XKR6: variants seen among roughly 807,000 people sequenced by gnomAD.
XKR6 encodes XK related 6, also known as XK-related protein 6.
A neutral mutation model predicts 56.7 loss-of-function variants in XKR6; 22 were observed. The observed-to-expected ratio is 0.39, with a 90% CI of 0.28 to 0.55. The LOEUF (loss-of-function observed/expected upper bound fraction) is 0.55, where lower values mean the gene tolerates loss of function less well. Ranked by LOEUF, XKR6 falls within the 20% of genes least tolerant of loss-of-function variation. The pLI is 0.66. For missense variants in XKR6, 852 were observed against 889.0 expected (o/e 0.96, Z 0.53); for synonymous variants, 524 against 387.8 (o/e 1.35, Z -4.13).
chr8:11,052,011 G>A (rs1207706431), intron 1 of XKR6, among the ~76,000 whole-genome samples: 1 of 152,086 alleles, frequency 6.6e-6, no homozygotes, highest in African/African-American at 2.4e-5. Flanking sequence ...CGTCCTCTAA[G>A]TTCCCTCCCC....
intron 1 of XKR6, among the ~76,000 whole-genome samples, chr8:10,989,516 G>C (rs1332204287): frequency 6.6e-6 from 1 of 152,210 alleles, no homozygotes; most frequent in African/African-American, 2.4e-5. Context: ...AAGAGAAAAG[G>C]ATAAAATGAT....
chr8:10,996,610 G>C (rs1563335408), intron 1 of XKR6, among the ~76,000 whole-genome samples: 1 of 152,136 alleles, frequency 6.6e-6, no homozygotes, highest in Non-Finnish European at 1.5e-5. Context: ...TCTACAAGTG[G>C]CGTAAATGGG....
intron 1 of XKR6, among the ~76,000 whole-genome samples, chr8:11,110,863 G>C (rs960043567): frequency 1.6e-4 from 25 of 151,664 alleles, no homozygotes; most frequent in Admixed American, 7.9e-4. Flanking sequence ...TTGAGGCGGA[G>C]TCTTGCTCTG....
chr8:11,017,512 T>C (rs991094741), intron 1 of XKR6, among the ~76,000 whole-genome samples: 1 of 152,216 alleles, frequency 6.6e-6, no homozygotes, highest in African/African-American at 2.4e-5. Context: ...TAACACGACA[T>C]TTGTTCATTC....
intron 1 of XKR6, among the ~76,000 whole-genome samples, chr8:11,156,895 G>C (rs1028142350): frequency 8.6e-5 from 13 of 152,038 alleles, no homozygotes; most frequent in African/African-American, 3.1e-4. Flanking sequence ...TTAGGAACTT[G>C]CTTCCAAGGA....
chr8:11,157,640 C>T (rs1801586166), intron 1 of XKR6, among the ~76,000 whole-genome samples: 1 of 152,088 alleles, frequency 6.6e-6, no homozygotes, highest in South Asian at 2.1e-4. Flanking sequence ...CTCAGACTCT[C>T]TATTAGCTAG....
At chr8:11,159,646 C>A (rs1801695736) in intron 1 of XKR6, among the ~76,000 whole-genome samples, 1 of 152,196 alleles carries the variant, frequency 6.6e-6, no homozygotes, top group Non-Finnish European at 1.5e-5. Flanking sequence ...TGGGGCCTGG[C>A]AATCTGTGTT....
intron 1 of XKR6, among the ~76,000 whole-genome samples, chr8:11,098,390 C>T (rs1798342622): frequency 6.6e-6 from 1 of 152,132 alleles, no homozygotes; most frequent in African/African-American, 2.4e-5. Flanking sequence ...CCAGTGGACT[C>T]GGTGAACTTG....
At chr8:10,957,425 G>C (rs560208761) in intron 1 of XKR6, among the ~76,000 whole-genome samples, 2 of 152,242 alleles carry the variant, frequency 1.3e-5, no homozygotes, top group South Asian at 4.1e-4. Flanking sequence ...CTACTCCCTG[G>C]GGTCCACAGA....
chr8:11,043,314 G>C (rs1484840641), intron 1 of XKR6, among the ~76,000 whole-genome samples: 1 of 152,116 alleles, frequency 6.6e-6, no homozygotes, highest in Non-Finnish European at 1.5e-5. Context: ...CCTGCAGCAG[G>C]AACTCAGCTC....
At chr8:10,943,866 C>T (rs760590613) in intron 1 of XKR6, among the ~76,000 whole-genome samples, 5 of 152,082 alleles carry the variant, frequency 3.3e-5, no homozygotes, top group Non-Finnish European at 5.9e-5. Flanking sequence ...AGATCATCTG[C>T]GAGCCCCATT....
At chr8:11,120,187 G>T (rs936336771) in intron 1 of XKR6, among the ~76,000 whole-genome samples, 4 of 152,190 alleles carry the variant, frequency 2.6e-5, no homozygotes, top group Non-Finnish European at 5.9e-5. Context: ...TCTGGCCAGG[G>T]CAATCAGGCA....
At chr8:10,945,194 C>T (rs1313276194) in intron 1 of XKR6, among the ~76,000 whole-genome samples, 1 of 152,162 alleles carries the variant, frequency 6.6e-6, no homozygotes, top group African/African-American at 2.4e-5. Context: ...TTAAAAAGGC[C>T]AAAATGCTGT....
At chr8:11,138,166 T>C (rs1586600344) in intron 1 of XKR6, 1 of 159,006 alleles carries the variant, frequency 6.3e-6, no homozygotes, top group Admixed American at 6.2e-5. Context: ...ATATTATAAA[T>C]GCAAAGATCA....
intron 1 of XKR6, among the ~76,000 whole-genome samples, chr8:11,148,368 G>A (rs1437243607): frequency 6.6e-6 from 1 of 152,218 alleles, no homozygotes; most frequent in East Asian, 1.9e-4. Flanking sequence ...AACAAGGCAG[G>A]TGGAGGGCAG....
intron 1 of XKR6, among the ~76,000 whole-genome samples, chr8:11,164,324 A>T: frequency 6.6e-6 from 1 of 152,178 alleles, no homozygotes; most frequent in African/African-American, 2.4e-5. Context: ...TACTCGCTAG[A>T]CTTTTTCCTT....
At chr8:11,149,540 T>C (rs1801163903) in intron 1 of XKR6, among the ~76,000 whole-genome samples, 1 of 152,132 alleles carries the variant, frequency 6.6e-6, no homozygotes, top group South Asian at 2.1e-4. Context: ...TACTGCATCA[T>C]ACTTTTGTAA....
intron 2 of XKR6, among the ~76,000 whole-genome samples, chr8:10,915,751 A>G (rs901145058): frequency 3.9e-5 from 6 of 152,232 alleles, no homozygotes; most frequent in African/African-American, 1.4e-4. Flanking sequence ...TCCAAATGGC[A>G]TCTCCTCAAA....
chr8:11,160,514 G>T (rs542198487), intron 1 of XKR6, among the ~76,000 whole-genome samples: 136 of 152,162 alleles, frequency 8.9e-4, no homozygotes, highest in African/African-American at 2.4e-3. Flanking sequence ...CTGTCTGAGG[G>T]GCTCCAATAC....
Sources: gnomAD v4.1 joint callset for allele counts (sites outside exome capture counted in the v4.1 genomes callset) on GRCh38, gnomAD v4.1.1 for gene constraint, MANE v1.5 for transcripts, NCBI Gene and HGNC (gene_info 2026-07-23, HGNC 2026-07-21) for gene names.